The following VPS50 variants were observed in gnomAD, a reference collection of about 807,000 sequenced individuals.
VPS50 encodes VPS50 subunit of EARP/GARPII complex.
A neutral mutation model predicts 139.7 loss-of-function variants in VPS50; 70 were observed. That is an observed-to-expected ratio of 0.50 (90% CI 0.41 to 0.61). VPS50 has a LOEUF of 0.61. VPS50 is among the 20% of genes least tolerant of loss of function. The pLI, the probability that VPS50 is intolerant of heterozygous loss-of-function variation, is 0.00. For synonymous variants in VPS50, 365 were observed against 376.7 expected (o/e 0.97, Z 0.36); for missense variants, 921 against 1,133.7 (o/e 0.81, Z 2.69).
At chr7:93,235,832 C>T (rs1474527998) in intron 1 of VPS50, among the ~76,000 whole-genome samples, 1 of 152,140 alleles carries the variant, frequency 6.6e-6, no homozygotes, top group Admixed American at 6.5e-5. Flanking sequence ...GGGGCGAATC[C>T]AGGGTATAGC....
At chr7:93,257,021 C>G (rs1296393101) in intron 5 of VPS50, among the ~76,000 whole-genome samples, 1 of 152,058 alleles carries the variant, frequency 6.6e-6, no homozygotes, top group East Asian at 1.9e-4. Flanking sequence ...GTCAAAGCAT[C>G]TTAGTAAACA....
intron 2 of VPS50, among the ~76,000 whole-genome samples, chr7:93,243,655 A>G (rs1795061936): frequency 6.6e-6 from 1 of 152,008 alleles, no homozygotes; most frequent in South Asian, 2.1e-4. Context: ...TTGTTAATCC[A>G]TTTAAACATG....
intron 9 of VPS50, among the ~76,000 whole-genome samples, chr7:93,263,933 C>T (rs1490275306): frequency 2.6e-5 from 4 of 152,126 alleles, no homozygotes; most frequent in Non-Finnish European, 5.9e-5. Context: ...TACAATATAA[C>T]TGTTTACATA....
At chr7:93,334,282 A>G in intron 22 of VPS50, 85 bp downstream of exon 22, 2 of 779,418 alleles carry the variant, frequency 2.6e-6, no homozygotes, top group Non-Finnish European at 4.3e-6. Context: ...ATGTGTGTCT[A>G]TATGTATTGA....
chr7:93,301,679 T>C (rs1281710892), intron 16 of VPS50, among the ~76,000 whole-genome samples: 1 of 152,176 alleles, frequency 6.6e-6, no homozygotes, highest in Non-Finnish European at 1.5e-5. Flanking sequence ...ATACTGATTT[T>C]CAGGCTCTGG....
In VPS50 at chr7:93,334,187, T is replaced by G. The variant is rs1358855175; in HGVS notation, c.2048T>G (p.Leu683Arg). 1 of 1,545,542 alleles carries G rather than the reference T, an allele frequency of 6.5e-7. No individual in the cohort carries two copies. Among genetic ancestry groups the G allele is most frequent in the Non-Finnish European group, 8.9e-7 (1 of 1,123,946 alleles). ...RTTLNRIQES[L>R]IDLEVSADPT... ...ACTCTAAACAGAATACAAGAAAGCC[T>G]TATTGATCTAGTAAGTAACGAATTG... The change falls in exon 22 of 28, where the codon CTT becomes CGT. Residue 683 changes from leucine to arginine, a missense_variant. Physicochemically the swap from Leu to Arg is moderately radical, Grantham distance 102 (BLOSUM62 -2). Transcript: ENST00000305866.
At chr7:93,243,804 A>G (rs1249939841) in intron 2 of VPS50, among the ~76,000 whole-genome samples, 1 of 151,930 alleles carries the variant, frequency 6.6e-6, no homozygotes, top group Non-Finnish European at 1.5e-5. Context: ...AACCCTGATT[A>G]AAAAGTAAAA....
chr7:93,271,145 T>A, intron 9 of VPS50, 75 bp from the exon 10 acceptor site: 1 of 1,522,938 alleles, frequency 6.6e-7, no homozygotes, highest in Non-Finnish European at 8.8e-7. Flanking sequence ...GATTAATTAT[T>A]CAGTTAGTAT....
chr7:93,347,939 C>T (rs1449574248), intron 23 of VPS50, among the ~76,000 whole-genome samples: 1 of 150,736 alleles, frequency 6.6e-6, no homozygotes, highest in East Asian at 1.9e-4. Context: ...AAGTAACCTG[C>T]ACATTGTGCA....
intron 6 of VPS50, among the ~76,000 whole-genome samples, chr7:93,257,939 T>C (rs1242813790): frequency 1.3e-5 from 2 of 152,082 alleles, no homozygotes; most frequent in African/African-American, 2.4e-5. Flanking sequence ...TTTTTTGTTA[T>C]AGACCACTAG....
At chr7:93,306,978 G>A (rs1797134428) in intron 18 of VPS50, among the ~76,000 whole-genome samples, 1 of 151,722 alleles carries the variant, frequency 6.6e-6, no homozygotes, top group African/African-American at 2.4e-5. Flanking sequence ...CCTCTGTGAA[G>A]TTGGCTTAAC....
intron 20 of VPS50, among the ~76,000 whole-genome samples, chr7:93,322,031 CTG>C (rs1797628390): frequency 6.6e-6 from 1 of 152,092 alleles, no homozygotes; most frequent in African/African-American, 2.4e-5. Context: ...CAAAAAAAGT[CTG>C]TGTGAAATAA....
intron 20 of VPS50, among the ~76,000 whole-genome samples, chr7:93,319,177 T>A (rs934368492): frequency 6.6e-6 from 1 of 152,252 alleles, no homozygotes; most frequent in Non-Finnish European, 1.5e-5. Context: ...TCTGAATATA[T>A]AATCAGATAT....
intron 12 of VPS50, among the ~76,000 whole-genome samples, chr7:93,291,283 A>C (rs902023192): frequency 3.3e-5 from 5 of 152,150 alleles, no homozygotes; most frequent in African/African-American, 1.2e-4. Flanking sequence ...AATTTACACA[A>C]ATGAAATGAC....
chr7:93,302,620 T>C (rs1797009820), intron 16 of VPS50, among the ~76,000 whole-genome samples: 1 of 152,102 alleles, frequency 6.6e-6, no homozygotes, highest in Non-Finnish European at 1.5e-5. Context: ...TCCTTGTCTG[T>C]TAACTCTAGT....
chr7:93,302,871 A>AAT (rs1421940675), intron 16 of VPS50, among the ~76,000 whole-genome samples: 9 of 152,102 alleles, frequency 5.9e-5, no homozygotes, highest in Non-Finnish European at 1.0e-4. Context: ...ATAGCATTAA[A>AAT]GAAAGAAAAG....
At chr7:93,264,792 G>A (rs1795791070) in intron 9 of VPS50, among the ~76,000 whole-genome samples, 1 of 152,048 alleles carries the variant, frequency 6.6e-6, no homozygotes, top group African/African-American at 2.4e-5. Flanking sequence ...CTAAGGTCAG[G>A]GACATAAGGA....
At position 93,336,196 on chromosome 7, in the gene VPS50, AAAATCTTAAT is replaced by A. The variant is rs1264524693; in HGVS notation, c.2058+2004_2058+2013del. 4.6e-5 allele frequency among the ~76,000 whole-genome samples: 7 copies of A among 152,214 alleles called. No homozygotes were observed. The East Asian group carries it at 1.3e-3, about 29-fold the overall frequency. On this transcript the variant is annotated intron_variant, in intron 22 of 27. Transcript: ENST00000305866. Reference sequence around the variant, plus strand: ...CTTATATTTCTCTTGCACGTCAGTTAAAATCTTAATAAATACTTTTTTGGTAATTTTATTT... The same window carrying A: ...CTTATATTTCTCTTGCACGTCAGTTAAAATACTTTTTTGGTAATTTTATTT...
Position 93,325,738 on chromosome 7 carries a change from C to T in VPS50, c.1977+2006C>T, listed in dbSNP as rs992022563. On this transcript the variant is annotated intron_variant, in intron 21 of 27. Transcript: ENST00000305866. ...ACATCAGAGAAATGCAAATCAAAAC[C>T]ACAATGAGATACCATCTCACACCAG... is the stretch of plus-strand genomic sequence containing the variant. Among the ~76,000 whole-genome samples the T allele has an allele frequency of 4.0e-5, 6 of 151,456 alleles. No individual in the cohort carries two copies. In the South Asian group the frequency reaches 1.0e-3, roughly 26 times the overall value.
Sources: gnomAD v4.1 joint callset for allele counts (sites outside exome capture counted in the v4.1 genomes callset) on GRCh38, gnomAD v4.1.1 for gene constraint, MANE v1.5 for transcripts, NCBI Gene and HGNC (gene_info 2026-07-23, HGNC 2026-07-21) for gene names.